Variants in MAF observed in about 807,000 individuals in gnomAD.
MAF encodes MAF bZIP transcription factor.
In MAF, 10 loss-of-function variants were observed where a neutral mutation model predicts 22.0. The observed-to-expected ratio is 0.45, with a 90% CI of 0.28 to 0.77. The LOEUF (loss-of-function observed/expected upper bound fraction) is 0.77, where lower values mean the gene tolerates loss of function less well. MAF is among the 30% of genes least tolerant of loss of function. The pLI is 0.12. For synonymous variants in MAF, 337 were observed against 255.8 expected, an observed-to-expected ratio of 1.32 and a Z score of -3.03; for missense variants, 544 against 548.4, an observed-to-expected ratio of 0.99 and a Z score of 0.08.
the MAF span, among the ~76,000 whole-genome samples, chr16:79,236,946 A>G: frequency 7.7e-6 from 1 of 129,808 alleles, no homozygotes; most frequent in African/African-American, 2.6e-5. Context: ...AAATCTCGGA[A>G]AAAAAAAAAA....
the MAF span, among the ~76,000 whole-genome samples, chr16:79,561,088 G>T: frequency 6.6e-6 from 1 of 152,084 alleles, no homozygotes; most frequent in African/African-American, 2.4e-5. Context: ...ATCTTTAACT[G>T]GCTCTCTGAC....
At chr16:79,252,390 C>T in the MAF span, among the ~76,000 whole-genome samples, 557 of 151,946 alleles carry the variant, frequency 3.7e-3, 8 homozygotes, top group Non-Finnish European at 2.4e-3. Flanking sequence ...AAATGTAAAA[C>T]GATTCTCAGC....
the MAF span, among the ~76,000 whole-genome samples, chr16:79,375,126 A>C: frequency 4.3e-4 from 65 of 152,372 alleles, 1 homozygote; most frequent in South Asian, 0.013. Context: ...TGACTACACA[A>C]GGTAAAGGAA....
the MAF span, among the ~76,000 whole-genome samples, chr16:79,297,412 G>A: frequency 6.6e-6 from 1 of 152,132 alleles, no homozygotes; most frequent in Non-Finnish European, 1.5e-5. Context: ...AAACAGGGAT[G>A]GATAAGGAAG....
chr16:79,472,285 T>C, the MAF span, among the ~76,000 whole-genome samples: 2 of 152,068 alleles, frequency 1.3e-5, no homozygotes, highest in African/African-American at 4.8e-5. Flanking sequence ...CCAAGAGAAA[T>C]GAAGATTCGT....
chr16:79,208,821 G>A, the MAF span, among the ~76,000 whole-genome samples: 6 of 152,292 alleles, frequency 3.9e-5, no homozygotes, highest in African/African-American at 7.2e-5. Context: ...TCACTCAGAG[G>A]TTGCCATTGG....
At chr16:79,356,286 G>C in the MAF span, among the ~76,000 whole-genome samples, 3 of 151,464 alleles carry the variant, frequency 2.0e-5, no homozygotes, top group African/African-American at 7.3e-5. Context: ...CTAAAACCCA[G>C]TTTTTCTTGC....
the MAF span, among the ~76,000 whole-genome samples, chr16:79,255,579 G>A: frequency 6.6e-6 from 1 of 152,272 alleles, no homozygotes; most frequent in East Asian, 1.9e-4. Context: ...TCATCTTGAG[G>A]GCTTGTTGGA....
chr16:79,450,552 G>C, the MAF span, among the ~76,000 whole-genome samples: 3 of 152,154 alleles, frequency 2.0e-5, no homozygotes, highest in South Asian at 2.1e-4. Context: ...AGTGAAGAAC[G>C]TGCTCAATCC....
chr16:79,223,902 G>GGGAT, the MAF span, among the ~76,000 whole-genome samples: 1 of 152,050 alleles, frequency 6.6e-6, no homozygotes, highest in Non-Finnish European at 1.5e-5. Context: ...CAGGACCAGA[G>GGGAT]GGATTCAAAG....
At chr16:79,253,324 C>T in the MAF span, among the ~76,000 whole-genome samples, 4 of 152,204 alleles carry the variant, frequency 2.6e-5, no homozygotes, top group Non-Finnish European at 5.9e-5. Flanking sequence ...GCTGAGCTCC[C>T]GGGCCTTTTC....
chr16:79,298,217 G>A, the MAF span, among the ~76,000 whole-genome samples: 7 of 152,232 alleles, frequency 4.6e-5, no homozygotes, highest in South Asian at 2.1e-4. Flanking sequence ...TGCGTCCCCA[G>A]GAAAGGAGAT....
the MAF span, among the ~76,000 whole-genome samples, chr16:79,437,142 CTCTCTGTGTG>C: frequency 2.0e-4 from 8 of 39,302 alleles, no homozygotes; most frequent in South Asian, 6.6e-4. Flanking sequence ...AGCTCTCTCT[CTCTCTGTGTG>C]TGTGTGTGTG....
downstream of MAF, among the ~76,000 whole-genome samples, chr16:79,583,676 G>A (rs1474354379): frequency 6.6e-6 from 1 of 152,230 alleles, no homozygotes; most frequent in Non-Finnish European, 1.5e-5. Flanking sequence ...CCACTTTGGT[G>A]CAAACCACAG....
the MAF span, among the ~76,000 whole-genome samples, chr16:79,291,649 T>C: frequency 6.6e-6 from 1 of 151,540 alleles, no homozygotes; most frequent in Non-Finnish European, 1.5e-5. Flanking sequence ...AAAGTTGTCA[T>C]ACAAATGACT....
At chr16:79,484,531 C>G in the MAF span, among the ~76,000 whole-genome samples, 2 of 152,224 alleles carry the variant, frequency 1.3e-5, no homozygotes, top group African/African-American at 4.8e-5. Flanking sequence ...TTGGTCCCTG[C>G]TATGGTGGGA....
At chr16:79,389,363 G>A in the MAF span, among the ~76,000 whole-genome samples, 2 of 152,134 alleles carry the variant, frequency 1.3e-5, no homozygotes, top group East Asian at 1.9e-4. Flanking sequence ...CTGGGTTCAA[G>A]TGATTCTGCC....
chr16:79,446,429 G>A, the MAF span, among the ~76,000 whole-genome samples: 2 of 152,148 alleles, frequency 1.3e-5, no homozygotes, highest in African/African-American at 2.4e-5. Context: ...TTGTCCTAGT[G>A]TGAGTATTAA....
At chr16:79,251,874 C>A in the MAF span, among the ~76,000 whole-genome samples, 1 of 152,270 alleles carries the variant, frequency 6.6e-6, no homozygotes, top group South Asian at 2.1e-4. Context: ...GTAAGAAAAG[C>A]CTTGATATTT....
Sources: allele counts gnomAD v4.1 joint callset (sites outside exome capture counted in the v4.1 genomes callset), GRCh38; gene constraint gnomAD v4.1.1; transcripts MANE v1.5; gene names NCBI Gene and HGNC (gene_info 2026-07-23, HGNC 2026-07-21).